The following LIMD1 variants were observed in gnomAD, a reference collection of about 807,000 sequenced individuals.
The protein encoded by LIMD1 is LIM domain-containing protein 1.
Under a neutral mutation model 58.4 loss-of-function variants are expected in LIMD1, and 23 were observed. The observed-to-expected ratio is 0.39, with a 90% CI of 0.28 to 0.56. The LOEUF is 0.56. Among genes scored for constraint, LIMD1 ranks in the 20% least tolerant of loss-of-function variants. The pLI is 0.57. For missense variants in LIMD1, 838 were observed against 855.5 expected (o/e 0.98, Z 0.25); for synonymous variants, 334 against 345.5 (o/e 0.97, Z 0.37).
intron 1 of LIMD1, among the ~76,000 whole-genome samples, chr3:45,632,240 G>A (rs948810148): frequency 1.3e-5 from 2 of 152,190 alleles, no homozygotes; most frequent in Non-Finnish European, 2.9e-5. Context: ...GGGGACTTAC[G>A]ATGGGTAATC....
At chr3:45,608,614 C>T (rs540303031) in intron 1 of LIMD1, among the ~76,000 whole-genome samples, 1 of 151,974 alleles carries the variant, frequency 6.6e-6, no homozygotes, top group South Asian at 2.1e-4. Flanking sequence ...CCGAGGCGGG[C>T]GGATCACTTG....
rs975964059 is a variant in LIMD1 at position 45,620,196 on chromosome 3, A to C, written c.1409-15954A>C. Among the ~76,000 whole-genome samples the C allele has an allele frequency of 2.0e-5, 3 of 152,284 alleles. 1 individual carries two copies. In the South Asian group the frequency reaches 6.2e-4, roughly 32 times the overall value. ...TTTATGTTGATGCAAAGATCCTGGGAAACATGCATGATTTTGAGCCTTTTC... is the reference window on the plus strand; with the variant it reads ...TTTATGTTGATGCAAAGATCCTGGGCAACATGCATGATTTTGAGCCTTTTC... On this transcript the variant is annotated intron_variant, in intron 1 of 7. Transcript: ENST00000273317.
chr3:45,595,027 A>G lies in LIMD1; in HGVS notation c.148A>G (p.Thr50Ala). The G allele has an allele frequency of 6.2e-7, 1 of 1,613,926 alleles. No individual in the cohort carries two copies. Among genetic ancestry groups the G allele is most frequent in the Non-Finnish European group, 8.5e-7 (1 of 1,180,022 alleles). ...EFEETRRVFATKMAKIHLQQQ... is the reference protein window; with the variant it reads ...EFEETRRVFAAKMAKIHLQQQ... ...TGAGGAAACTCGCAGGGTGTTCGCC[A>G]CCAAGATGGCCAAAATCCACCTCCA... Residue 50 changes from threonine to alanine, a missense_variant, in exon 1 of 8, where the codon ACC (threonine) becomes GCC (alanine). Thr to Ala is a moderately conservative substitution (Grantham distance 58). Coordinates refer to ENST00000273317, the MANE Select transcript of LIMD1 (RefSeq NM_014240.3).
rs1697755587 is a variant in LIMD1 at position 45,682,354 on chromosome 3, T to C, written c.*5295T>C. The C allele has an allele frequency of 1.3e-5, 2 of 152,174 alleles. No individual in the cohort carries two copies. Among genetic ancestry groups the C allele is most frequent in the African/African-American group, 4.8e-5 (2 of 41,436 alleles). 9.4% of individuals were successfully genotyped at this position (152,174 alleles called of 1,614,324 possible). A position where few individuals can be genotyped will look rare whatever the true frequency, so the allele number is the denominator to read the frequency against. On this transcript the variant is annotated 3_prime_UTR_variant, in exon 8 of 8. Transcript: ENST00000273317. ...AATTAAAAAGCCTTGATATGGAGTG[T>C]TTGCTGATACCTATGATGTAAATAT...
chr3:45,646,029 CAAAA>C (rs35353411), intron 2 of LIMD1, among the ~76,000 whole-genome samples: 1 of 96,842 alleles, frequency 1.0e-5, no homozygotes. Context: ...GACTCTGTCT[CAAAA>C]AAAAAAAAAA....
intron 7 of LIMD1, among the ~76,000 whole-genome samples, chr3:45,675,696 GATTA>G (rs1184363385): frequency 6.6e-6 from 1 of 151,294 alleles, no homozygotes; most frequent in East Asian, 1.9e-4. Flanking sequence ...AAACCGGTGA[GATTA>G]ATTATTTTAT....
chr3:45,659,518 G>T (rs954221821), intron 2 of LIMD1, among the ~76,000 whole-genome samples: 1 of 152,066 alleles, frequency 6.6e-6, no homozygotes, highest in Non-Finnish European at 1.5e-5. Flanking sequence ...AGCCTGGGAG[G>T]CTGAGGCTGC....
At chr3:45,643,484 CAAA>C (rs571819225) in intron 2 of LIMD1, among the ~76,000 whole-genome samples, 1 of 121,524 alleles carries the variant, frequency 8.2e-6, no homozygotes, top group Non-Finnish European at 1.7e-5. Flanking sequence ...GACTCTGTCT[CAAA>C]AAAAAAAAAA....
intron 1 of LIMD1, among the ~76,000 whole-genome samples, chr3:45,600,533 C>G (rs1701401082): frequency 6.6e-6 from 1 of 152,176 alleles, no homozygotes; most frequent in Admixed American, 6.5e-5. Flanking sequence ...ATCCTCCCCA[C>G]CCCCTGTCCC....
chr3:45,616,663 G>A (rs1414648821), intron 1 of LIMD1, among the ~76,000 whole-genome samples: 1 of 152,042 alleles, frequency 6.6e-6, no homozygotes, highest in Non-Finnish European at 1.5e-5. Flanking sequence ...GCCCCTCCCT[G>A]AAAGATGTGT....
intron 4 of LIMD1, among the ~76,000 whole-genome samples, chr3:45,669,807 C>T (rs1397308135): frequency 1.3e-5 from 2 of 152,298 alleles, no homozygotes; most frequent in Non-Finnish European, 2.9e-5. Context: ...ATTTATTTCT[C>T]CATCTCATGT....
At chr3:45,650,966 C>T (rs750464329) in intron 2 of LIMD1, among the ~76,000 whole-genome samples, 3 of 148,380 alleles carry the variant, frequency 2.0e-5, no homozygotes, top group East Asian at 2.0e-4. Flanking sequence ...AGTGTAAAAG[C>T]GTTCCTGTTT....
chr3:45,684,605 T>C lies in LIMD1; in HGVS notation c.*7546T>C, dbSNP rs1697787180. ...TCCTGGCGGGAAGCAGACTGATATATAGAGGAGGGGGTTTGAAGAGGTGGT... is the reference window on the plus strand; with the variant it reads ...TCCTGGCGGGAAGCAGACTGATATACAGAGGAGGGGGTTTGAAGAGGTGGT... On this transcript the variant is annotated 3_prime_UTR_variant, in exon 8 of 8. Transcript: ENST00000273317. 6.6e-6 allele frequency: 1 copy of C among 152,062 alleles called. No homozygotes were observed. The highest frequency in any genetic ancestry group is 1.5e-5 in the Non-Finnish European group (1 of 68,006). 9.4% of individuals were successfully genotyped at this position (152,062 alleles called of 1,614,324 possible). A position where few individuals can be genotyped will look rare whatever the true frequency, so the allele number is the denominator to read the frequency against.
intron 1 of LIMD1, among the ~76,000 whole-genome samples, chr3:45,600,179 G>A (rs987152986): frequency 4.6e-5 from 7 of 152,160 alleles, no homozygotes; most frequent in Non-Finnish European, 5.9e-5. Flanking sequence ...GGTGCAGGGC[G>A]CTTGGCAGTG....
In LIMD1 at chr3:45,684,162, C is replaced by G; in HGVS notation, c.*7103C>G. Reference sequence around the variant, plus strand: ...GTAGGCGACAGCCCTAGATGTGTGACACTTCTAGGAGAATCTCTGGCTATG... The same window carrying G: ...GTAGGCGACAGCCCTAGATGTGTGAGACTTCTAGGAGAATCTCTGGCTATG... On this transcript the variant is annotated 3_prime_UTR_variant, in exon 8 of 8. Transcript: ENST00000273317. 1 of 152,348 alleles carries G rather than the reference C, an allele frequency of 6.6e-6. No homozygotes were observed. Among genetic ancestry groups the G allele is most frequent in the Non-Finnish European group, 1.5e-5 (1 of 68,056 alleles). 9.4% of individuals were successfully genotyped at this position (152,348 alleles called of 1,614,324 possible).
intron 3 of LIMD1, 84 bp downstream of exon 3, chr3:45,665,801 A>G: frequency 8.5e-7 from 1 of 1,175,350 alleles, no homozygotes; most frequent in Non-Finnish European, 1.3e-6. Context: ...GCCAGCGTGT[A>G]GGGAAGCTGC....
chr3:45,683,630 C>G lies in LIMD1; in HGVS notation c.*6571C>G, dbSNP rs971223220. 1 of 152,208 alleles carries G rather than the reference C, an allele frequency of 6.6e-6. No homozygotes were observed. The highest frequency in any genetic ancestry group is 2.4e-5 in the African/African-American group (1 of 41,440). The allele number at this position is 152,208 out of a possible 1,614,324, so 9.4% of individuals were successfully genotyped here. A position where few individuals can be genotyped will look rare whatever the true frequency, so the allele number is the denominator to read the frequency against. On this transcript the variant is annotated 3_prime_UTR_variant, in exon 8 of 8. Coordinates refer to ENST00000273317, the MANE Select transcript of LIMD1 (RefSeq NM_014240.3). ...TGATTGGTCCCCTCCCACAACCAATCAAACTGATCATGGACCTCTGCTTCA... is the reference window on the plus strand; with the variant it reads ...TGATTGGTCCCCTCCCACAACCAATGAAACTGATCATGGACCTCTGCTTCA...
At chr3:45,602,446 G>T (rs549534207) in intron 1 of LIMD1, among the ~76,000 whole-genome samples, 4 of 152,198 alleles carry the variant, frequency 2.6e-5, no homozygotes, top group Non-Finnish European at 4.4e-5. Flanking sequence ...GGATGGACAG[G>T]CCTGCTCCTC....
intron 2 of LIMD1, among the ~76,000 whole-genome samples, chr3:45,656,610 C>T (rs1044164378): frequency 2.0e-5 from 3 of 152,024 alleles, no homozygotes; most frequent in Admixed American, 6.5e-5. Flanking sequence ...CTCGGCCTCC[C>T]GGGTTCAAGC....
Sources: gnomAD v4.1 joint callset for allele counts (sites outside exome capture counted in the v4.1 genomes callset) on GRCh38, gnomAD v4.1.1 for gene constraint, MANE v1.5 for transcripts, NCBI Gene and HGNC (gene_info 2026-07-23, HGNC 2026-07-21) for gene names.